The following PRKCQ variants were observed in gnomAD, a reference collection of about 807,000 sequenced individuals.
PRKCQ encodes the protein protein kinase C theta type.
PRKCQ carries 41 observed loss-of-function variants against 91.2 expected under a neutral mutation model. The ratio of observed to expected loss-of-function variants is 0.45; its 90% CI spans 0.35 to 0.58. The LOEUF (loss-of-function observed/expected upper bound fraction) is 0.58, where lower values mean the gene tolerates loss of function less well. Among genes scored for constraint, PRKCQ ranks in the 20% least tolerant of loss-of-function variants. PRKCQ has a pLI of 0.00. For missense variants in PRKCQ, 673 were observed against 896.5 expected (o/e 0.75, Z 3.18); for synonymous variants, 307 against 316.9 (o/e 0.97, Z 0.33).
chr10:6,542,767 C>G (rs1839820404), intron 1 of PRKCQ, among the ~76,000 whole-genome samples: 1 of 152,158 alleles, frequency 6.6e-6, no homozygotes, highest in African/African-American at 2.4e-5. Flanking sequence ...CTGCTTTGTG[C>G]TTCTAACTCA....
chr10:6,489,230 C>T (rs1837130244), intron 8 of PRKCQ, among the ~76,000 whole-genome samples: 1 of 152,120 alleles, frequency 6.6e-6, no homozygotes, highest in Admixed American at 6.5e-5. Context: ...TCTTATGCAT[C>T]ACCGTGACAC....
chr10:6,496,829 C>A (rs910238113), intron 7 of PRKCQ, among the ~76,000 whole-genome samples: 2 of 152,122 alleles, frequency 1.3e-5, no homozygotes, highest in African/African-American at 4.8e-5. Flanking sequence ...CTTATGCCAC[C>A]AGGCCTGGCT....
At chr10:6,554,792 G>A (rs1308964674) in intron 1 of PRKCQ, among the ~76,000 whole-genome samples, 2 of 152,110 alleles carry the variant, frequency 1.3e-5, no homozygotes, top group Admixed American at 1.3e-4. Context: ...TTCCATCACT[G>A]GGTATATATC....
intron 2 of PRKCQ, among the ~76,000 whole-genome samples, chr10:6,512,977 C>T (rs983589895): frequency 1.3e-5 from 2 of 152,190 alleles, no homozygotes; most frequent in Admixed American, 6.5e-5. Flanking sequence ...CTTCCCTTTC[C>T]GATACTTCCT....
At position 6,551,621 on chromosome 10, in the gene PRKCQ, C is replaced by T. The variant is rs568972483; in HGVS notation, c.-10+28590G>A. 2.0e-5 allele frequency among the ~76,000 whole-genome samples: 3 copies of T among 152,294 alleles called. No homozygotes were observed. In the South Asian group the frequency reaches 6.2e-4, roughly 32 times the overall value. On this transcript the variant is annotated intron_variant, in intron 1 of 17. Coordinates refer to ENST00000263125, the MANE Select transcript of PRKCQ (RefSeq NM_006257.5). ...CCATGTTAACCAGGATGGTCTCGAT[C>T]TCCTGACCTTGTGATCCGCCTGCCT...
intron 8 of PRKCQ, 21 bp from the exon 9 acceptor site, chr10:6,486,165 A>T: frequency 6.3e-7 from 1 of 1,588,802 alleles, no homozygotes; most frequent in Non-Finnish European, 8.6e-7. Flanking sequence ...GAAGGCAGAT[A>T]GTGAGCAAGA....
chr10:6,403,881 C>T, the PRKCQ span, among the ~76,000 whole-genome samples: 1 of 151,908 alleles, frequency 6.6e-6, no homozygotes, highest in South Asian at 2.1e-4. Context: ...ATACTTTGTT[C>T]CCAAAGTCAC....
At chr10:6,460,676 G>C (rs560180456) in intron 14 of PRKCQ, among the ~76,000 whole-genome samples, 7 of 152,088 alleles carry the variant, frequency 4.6e-5, no homozygotes, top group Non-Finnish European at 8.8e-5. Flanking sequence ...ATTTTTAGTA[G>C]AGACAGGATT....
chr10:6,519,832 G>A (rs192767069), intron 1 of PRKCQ, among the ~76,000 whole-genome samples: 28 of 152,220 alleles, frequency 1.8e-4, no homozygotes, highest in Middle Eastern at 3.4e-3. Context: ...TTTCCCCAAA[G>A]CTTTCTGAAT....
At chr10:6,542,228 C>G (rs185415269) in intron 1 of PRKCQ, among the ~76,000 whole-genome samples, 1 of 152,236 alleles carries the variant, frequency 6.6e-6, no homozygotes, top group Non-Finnish European at 1.5e-5. Context: ...CTAGAGATTA[C>G]TCTCTCTAGT....
intron 3 of PRKCQ, among the ~76,000 whole-genome samples, chr10:6,508,205 AAG>A (rs1838295793): frequency 6.6e-6 from 1 of 152,244 alleles, no homozygotes; most frequent in South Asian, 2.1e-4. Context: ...AAGGAGAAGA[AAG>A]GACAAATCCA....
At chr10:6,472,769 G>A (rs951331652) in intron 12 of PRKCQ, among the ~76,000 whole-genome samples, 1 of 152,154 alleles carries the variant, frequency 6.6e-6, no homozygotes, top group Non-Finnish European at 1.5e-5. Context: ...CTGGAGTGCA[G>A]TGGTGTGGTC....
chr10:6,530,389 C>T (rs1839349042), intron 1 of PRKCQ, among the ~76,000 whole-genome samples: 1 of 152,222 alleles, frequency 6.6e-6, no homozygotes, highest in African/African-American at 2.4e-5. Flanking sequence ...GCGTGTGACA[C>T]TTTTCAAAGA....
At chr10:6,396,645 G>T in the PRKCQ span, among the ~76,000 whole-genome samples, 3 of 152,218 alleles carry the variant, frequency 2.0e-5, no homozygotes, top group Non-Finnish European at 4.4e-5. Context: ...GTAGCGTTCT[G>T]TTGTGTGAGT....
intron 1 of PRKCQ, among the ~76,000 whole-genome samples, chr10:6,527,232 T>C (rs1465189267): frequency 6.6e-6 from 1 of 152,220 alleles, no homozygotes; most frequent in Non-Finnish European, 1.5e-5. Flanking sequence ...AAGTTGTATT[T>C]TCAGCAGCCA....
intron 15 of PRKCQ, among the ~76,000 whole-genome samples, chr10:6,445,302 G>C (rs1381759452): frequency 6.6e-6 from 1 of 152,014 alleles, no homozygotes; most frequent in Non-Finnish European, 1.5e-5. Flanking sequence ...GCTAAGTGAG[G>C]CCCAGGGGTG....
intron 16 of PRKCQ, among the ~76,000 whole-genome samples, chr10:6,441,456 G>C (rs1253487172): frequency 1.1e-5 from 1 of 90,910 alleles, no homozygotes; most frequent in African/African-American, 3.9e-5. Context: ...TGCCCATTTT[G>C]TTTCTTTTTT....
chr10:6,546,978 T>C (rs945353042), intron 1 of PRKCQ, among the ~76,000 whole-genome samples: 5 of 152,250 alleles, frequency 3.3e-5, no homozygotes, highest in Non-Finnish European at 7.3e-5. Context: ...TTTCTGAATC[T>C]ATTGAGATAA....
chr10:6,535,531 G>A (rs1211928297), intron 1 of PRKCQ, among the ~76,000 whole-genome samples: 16 of 152,044 alleles, frequency 1.1e-4, no homozygotes, highest in Admixed American at 1.0e-3. Flanking sequence ...TCAAAATGGA[G>A]TCACTTATGT....
Sources: allele counts gnomAD v4.1 joint callset (sites outside exome capture counted in the v4.1 genomes callset), GRCh38; gene constraint gnomAD v4.1.1; transcripts MANE v1.5; gene names NCBI Gene and HGNC (gene_info 2026-07-23, HGNC 2026-07-21).